SEMA6D: variants seen among roughly 807,000 people sequenced by gnomAD.
The protein encoded by SEMA6D is semaphorin-6D.
Under a neutral mutation model 106.6 loss-of-function variants are expected in SEMA6D, and 35 were observed. The observed-to-expected ratio is 0.33, with a 90% CI of 0.25 to 0.44. The LOEUF is 0.44. SEMA6D is among the 20% of genes least tolerant of loss of function. The probability of loss-of-function intolerance (pLI) is 1.00; values close to 1 mark genes in which losing one functional copy is unlikely to be tolerated. For missense variants in SEMA6D, 1,185 were observed against 1,345.9 expected, an observed-to-expected ratio of 0.88 and a Z score of 1.87; for synonymous variants, 499 against 487.7, an observed-to-expected ratio of 1.02 and a Z score of -0.31.
chr15:47,412,948 ACT>A (rs1298173196), intron 2 of SEMA6D, among the ~76,000 whole-genome samples: 1 of 152,056 alleles, frequency 6.6e-6, no homozygotes, highest in Non-Finnish European at 1.5e-5. Flanking sequence ...AAAAATGAAG[ACT>A]CTCTGAGGCC....
chr15:47,284,892 G>A (rs1443470405), intron 1 of SEMA6D, among the ~76,000 whole-genome samples: 1 of 152,068 alleles, frequency 6.6e-6, no homozygotes, highest in Non-Finnish European at 1.5e-5. Flanking sequence ...GCCTCACATG[G>A]GGCGCATCTC....
intron 1 of SEMA6D, among the ~76,000 whole-genome samples, chr15:47,400,700 C>T (rs951483824): frequency 1.3e-5 from 2 of 152,084 alleles, no homozygotes; most frequent in East Asian, 1.9e-4. Flanking sequence ...ACCTACTCTT[C>T]GAAGGATACT....
chr15:47,390,367 C>T (rs2145802848), intron 1 of SEMA6D, among the ~76,000 whole-genome samples: 1 of 152,272 alleles, frequency 6.6e-6, no homozygotes, highest in East Asian at 1.9e-4. Flanking sequence ...TGAGCCCAAA[C>T]TAAAGGGTTA....
chr15:47,345,338 A>G (rs532182244), intron 1 of SEMA6D, among the ~76,000 whole-genome samples: 1 of 152,326 alleles, frequency 6.6e-6, no homozygotes, highest in South Asian at 2.1e-4. Flanking sequence ...TGCAGTAATC[A>G]AAACTGTGGT....
In SEMA6D at chr15:47,764,440, A is replaced by G. The variant is rs558222420; in HGVS notation, c.1097+135A>G. The G allele has an allele frequency of 2.3e-6, 3 of 1,284,120 alleles. No individual in the cohort carries two copies. The South Asian group carries it at 4.5e-5, about 19-fold the overall frequency. 79.5% of individuals were successfully genotyped at this position (1,284,120 alleles called of 1,614,324 possible). ...CCTCTCTCAGACAGAGCCAGCAGAC[A>G]TAGCCTTGTGACCTGCAAGCCCATG... On this transcript the variant is annotated intron_variant, in intron 11 of 18. Transcript: ENST00000536845.
At chr15:47,326,383 G>C (rs1172692352) in intron 1 of SEMA6D, among the ~76,000 whole-genome samples, 1 of 152,210 alleles carries the variant, frequency 6.6e-6, no homozygotes, top group Non-Finnish European at 1.5e-5. Flanking sequence ...CATTTGGCTT[G>C]CCCTGTTGAA....
At chr15:47,327,012 C>T (rs185280281) in intron 1 of SEMA6D, among the ~76,000 whole-genome samples, 79 of 152,250 alleles carry the variant, frequency 5.2e-4, no homozygotes, top group African/African-American at 1.2e-3. Flanking sequence ...TAGAAGTCAG[C>T]CCAGAGACAG....
At chr15:47,521,303 C>A (rs547580422) in intron 3 of SEMA6D, among the ~76,000 whole-genome samples, 1 of 152,148 alleles carries the variant, frequency 6.6e-6, no homozygotes, top group Non-Finnish European at 1.5e-5. Context: ...TCAGGCTCCA[C>A]GGAACCTTGT....
chr15:47,718,789 C>T (rs567680985), intron 1 of SEMA6D: 2 of 152,374 alleles, frequency 1.3e-5, no homozygotes, highest in South Asian at 2.1e-4. Context: ...TGAGCCCCTT[C>T]TCCGGCAACG....
chr15:47,424,413 T>C (rs1162727235), intron 2 of SEMA6D, among the ~76,000 whole-genome samples: 1 of 152,064 alleles, frequency 6.6e-6, no homozygotes, highest in Non-Finnish European at 1.5e-5. Context: ...CTTCTATAGA[T>C]CAGTTATGAT....
chr15:47,643,237 A>G (rs189409430), intron 4 of SEMA6D, among the ~76,000 whole-genome samples: 13 of 152,332 alleles, frequency 8.5e-5, no homozygotes, highest in African/African-American at 3.1e-4. Flanking sequence ...TTTAAGACTA[A>G]TTACTGTGAA....
intron 1 of SEMA6D, among the ~76,000 whole-genome samples, chr15:47,403,385 G>T (rs536872783): frequency 6.6e-6 from 1 of 152,258 alleles, no homozygotes; most frequent in East Asian, 1.9e-4. Context: ...AGTAGAGCAA[G>T]GTAAATGATT....
At chr15:47,338,329 C>A (rs2037657867) in intron 1 of SEMA6D, among the ~76,000 whole-genome samples, 1 of 152,082 alleles carries the variant, frequency 6.6e-6, no homozygotes. Flanking sequence ...ATTCCAAATA[C>A]CTGAAAGAGT....
intron 1 of SEMA6D, chr15:47,185,627 A>G (rs918735585): frequency 1.8e-4 from 28 of 152,094 alleles, no homozygotes; most frequent in African/African-American, 6.3e-4. Flanking sequence ...ATGGCCAAGC[A>G]CTGGTGTAGA....
At chr15:47,237,736 C>A (rs143497405) in intron 1 of SEMA6D, among the ~76,000 whole-genome samples, 5 of 151,934 alleles carry the variant, frequency 3.3e-5, no homozygotes, top group African/African-American at 1.2e-4. Context: ...TAACTATGAC[C>A]GTTTTAATTG....
intron 18 of SEMA6D, 60 bp downstream of exon 18, chr15:47,768,808 T>A: frequency 6.6e-7 from 1 of 1,521,804 alleles, no homozygotes; most frequent in South Asian, 1.3e-5. Flanking sequence ...TTAATGTCAC[T>A]GAGGAGTATG....
intron 2 of SEMA6D, among the ~76,000 whole-genome samples, chr15:47,416,580 G>C (rs993776490): frequency 6.6e-6 from 1 of 152,046 alleles, no homozygotes; most frequent in Non-Finnish European, 1.5e-5. Flanking sequence ...GGCGGGTCTG[G>C]CTACGTCTAT....
intron 1 of SEMA6D, among the ~76,000 whole-genome samples, chr15:47,235,136 A>G (rs2032459816): frequency 6.6e-6 from 1 of 151,872 alleles, no homozygotes; most frequent in Non-Finnish European, 1.5e-5. Context: ...CCATTTATAT[A>G]TCTTTTGAGA....
At chr15:47,660,819 A>G (rs778183405) in intron 4 of SEMA6D, among the ~76,000 whole-genome samples, 7 of 152,202 alleles carry the variant, frequency 4.6e-5, no homozygotes, top group African/African-American at 7.2e-5. Flanking sequence ...TTTGGACAGC[A>G]TAAGGGAGCA....
Sources: allele counts gnomAD v4.1 joint callset (sites outside exome capture counted in the v4.1 genomes callset), GRCh38; gene constraint gnomAD v4.1.1; transcripts MANE v1.5; gene names NCBI Gene and HGNC (gene_info 2026-07-23, HGNC 2026-07-21).